The following SYT1 variants were observed in gnomAD, a reference collection of about 807,000 sequenced individuals.
SYT1 encodes synaptotagmin-1.
SYT1 carries 8 observed loss-of-function variants against 44.8 expected under a neutral mutation model. That is an observed-to-expected ratio of 0.18 (90% CI 0.10 to 0.32). The LOEUF (loss-of-function observed/expected upper bound fraction) is 0.32. Ranked by LOEUF, SYT1 falls within the 10% of genes least tolerant of loss-of-function variation. SYT1 has a pLI of 1.00. For synonymous variants in SYT1, 154 were observed against 188.8 expected (o/e 0.82, Z 1.51); for missense variants, 286 against 509.3 (o/e 0.56, Z 4.22).
intron 3 of SYT1, among the ~76,000 whole-genome samples, chr12:79,171,854 C>A (rs1871545490): frequency 6.6e-6 from 1 of 151,916 alleles, no homozygotes; most frequent in African/African-American, 2.4e-5. Context: ...TGTATTCCTC[C>A]TTATTTTAAT....
intron 3 of SYT1, among the ~76,000 whole-genome samples, chr12:79,096,717 A>C (rs1565804910): frequency 6.6e-6 from 1 of 151,996 alleles, no homozygotes; most frequent in Non-Finnish European, 1.5e-5. Context: ...AGAATCATGA[A>C]AGATCAGGGT....
At chr12:79,332,511 T>C (rs1881900486) in intron 8 of SYT1, among the ~76,000 whole-genome samples, 1 of 152,162 alleles carries the variant, frequency 6.6e-6, no homozygotes, top group Non-Finnish European at 1.5e-5. Flanking sequence ...AAGGCCTACA[T>C]GGGAAATACA....
At chr12:79,377,837 G>T (rs1366850918) in intron 9 of SYT1, among the ~76,000 whole-genome samples, 1 of 152,166 alleles carries the variant, frequency 6.6e-6, no homozygotes, top group Non-Finnish European at 1.5e-5. Context: ...CATGGGCTTG[G>T]TTAGGGACAT....
At chr12:78,985,985 C>T (rs1869614709) in intron 2 of SYT1, among the ~76,000 whole-genome samples, 1 of 151,984 alleles carries the variant, frequency 6.6e-6, no homozygotes, top group South Asian at 2.1e-4. Context: ...TTATATACCA[C>T]TATAAAAATT....
chr12:78,962,583 G>A (rs914658468), intron 1 of SYT1, among the ~76,000 whole-genome samples: 2 of 152,056 alleles, frequency 1.3e-5, no homozygotes, highest in Admixed American at 1.3e-4. Context: ...ATCTTGTGTG[G>A]TGGGGGAGAG....
intron 2 of SYT1, among the ~76,000 whole-genome samples, chr12:78,992,356 G>A (rs1870075943): frequency 6.6e-6 from 1 of 152,134 alleles, no homozygotes; most frequent in South Asian, 2.1e-4. Context: ...CTTGTTCTTT[G>A]TCAGTAGCAT....
chr12:79,019,303 T>C (rs994294424), intron 2 of SYT1, among the ~76,000 whole-genome samples: 2 of 151,986 alleles, frequency 1.3e-5, no homozygotes, highest in Non-Finnish European at 2.9e-5. Context: ...ATAACTTAAT[T>C]TGGGGATTTG....
At chr12:79,345,343 T>A (rs1159366069) in intron 8 of SYT1, among the ~76,000 whole-genome samples, 1 of 152,190 alleles carries the variant, frequency 6.6e-6, no homozygotes, top group Non-Finnish European at 1.5e-5. Flanking sequence ...CCTGGAAGGT[T>A]TCAATCTTCA....
At chr12:78,933,324 A>G (rs1188521102) in intron 1 of SYT1, among the ~76,000 whole-genome samples, 1 of 152,200 alleles carries the variant, frequency 6.6e-6, no homozygotes, top group Non-Finnish European at 1.5e-5. Flanking sequence ...AACTCTTACC[A>G]GAGGAAGGAA....
chr12:79,189,736 T>G (rs1337858626), intron 3 of SYT1, among the ~76,000 whole-genome samples: 1 of 152,084 alleles, frequency 6.6e-6, no homozygotes, highest in Non-Finnish European at 1.5e-5. Context: ...AAACCTCGTC[T>G]CTACTAAAAA....
chr12:79,028,000 A>T (rs904018513), intron 2 of SYT1, among the ~76,000 whole-genome samples: 3 of 151,570 alleles, frequency 2.0e-5, no homozygotes, highest in African/African-American at 7.3e-5. Flanking sequence ...GGACTGATAA[A>T]GATCTCCACA....
chr12:79,293,414 A>AATAAAATAAAAT (rs1879732518), intron 6 of SYT1, among the ~76,000 whole-genome samples: 1 of 149,184 alleles, frequency 6.7e-6, no homozygotes, highest in African/African-American at 2.5e-5. Context: ...ATAAAATTAA[A>AATAAAATAAAAT]AAATCTGTAA....
At chr12:78,884,452 T>A (rs1426566661) in intron 1 of SYT1, among the ~76,000 whole-genome samples, 2 of 136,588 alleles carry the variant, frequency 1.5e-5, no homozygotes, top group Admixed American at 7.6e-5. Context: ...ACAGTAACAA[T>A]GAACATAAGG....
intron 4 of SYT1, among the ~76,000 whole-genome samples, chr12:79,222,068 C>A (rs1875196448): frequency 6.6e-6 from 1 of 152,118 alleles, no homozygotes; most frequent in South Asian, 2.1e-4. Flanking sequence ...TTGCTGGGTA[C>A]ACTATTCTCT....
At chr12:78,969,201 A>G (rs1357371950) in intron 1 of SYT1, among the ~76,000 whole-genome samples, 2 of 152,200 alleles carry the variant, frequency 1.3e-5, no homozygotes, top group African/African-American at 4.8e-5. Flanking sequence ...TGGAAGATGT[A>G]CGTAGGTTAT....
At chr12:79,427,064 A>G (rs549354040) in intron 9 of SYT1, among the ~76,000 whole-genome samples, 5 of 152,324 alleles carry the variant, frequency 3.3e-5, no homozygotes, top group Admixed American at 2.0e-4. Context: ...TGAACTGTCA[A>G]TTAAACTTCT....
intron 3 of SYT1, among the ~76,000 whole-genome samples, chr12:79,047,611 A>G (rs1470239950): frequency 6.6e-6 from 1 of 152,008 alleles, no homozygotes; most frequent in Non-Finnish European, 1.5e-5. Flanking sequence ...ACTCCATCAT[A>G]TCTTTTGACT....
intron 9 of SYT1, among the ~76,000 whole-genome samples, chr12:79,388,468 G>A (rs1013320018): frequency 2.6e-5 from 4 of 152,064 alleles, no homozygotes; most frequent in Admixed American, 6.6e-5. Flanking sequence ...GGTGAGGTGG[G>A]TGGACAACCT....
intron 2 of SYT1, among the ~76,000 whole-genome samples, chr12:79,021,649 T>C: frequency 6.6e-6 from 1 of 151,830 alleles, no homozygotes; most frequent in Admixed American, 6.6e-5. Context: ...CCTCCAAAAA[T>C]TATTTTAAAG....
Sources: gnomAD v4.1 joint callset for allele counts (sites outside exome capture counted in the v4.1 genomes callset) on GRCh38, gnomAD v4.1.1 for gene constraint, MANE v1.5 for transcripts, NCBI Gene and HGNC (gene_info 2026-07-23, HGNC 2026-07-21) for gene names.